Variants in MCC observed in about 807,000 individuals in gnomAD.
MCC encodes colorectal mutant cancer protein.
In MCC, 90 loss-of-function variants were observed where a neutral mutation model predicts 116.2. That is an observed-to-expected ratio of 0.77 (90% CI 0.65 to 0.92). MCC has a LOEUF of 0.92. Among genes scored for constraint, MCC ranks in the 40% least tolerant of loss-of-function variants. MCC has a pLI of 0.00. For missense variants in MCC, 1,516 were observed against 1,312.2 expected (o/e 1.16, Z -2.40); for synonymous variants, 578 against 510.5 (o/e 1.13, Z -1.78).
intron 1 of MCC, among the ~76,000 whole-genome samples, chr5:113,409,658 T>C (rs947928609): frequency 6.6e-6 from 1 of 152,176 alleles, no homozygotes; most frequent in Admixed American, 6.6e-5. Flanking sequence ...GCCTTAAATA[T>C]TTGAATGTTA....
chr5:113,052,644 G>A (rs192933285), intron 15 of MCC, among the ~76,000 whole-genome samples: 111 of 152,250 alleles, frequency 7.3e-4, no homozygotes, highest in African/African-American at 2.5e-3. Context: ...GAGATGGTGC[G>A]ACCAGGGGGT....
chr5:113,084,055 T>C (rs1484360858), intron 10 of MCC, 46 bp downstream of exon 10: 1 of 1,444,460 alleles, frequency 6.9e-7, no homozygotes, highest in Non-Finnish European at 9.7e-7. Context: ...ATTGTCTGTG[T>C]AGCTCTGCCG....
At chr5:113,243,550 G>A (rs936216974) in intron 3 of MCC, among the ~76,000 whole-genome samples, 2 of 152,234 alleles carry the variant, frequency 1.3e-5, no homozygotes, top group African/African-American at 4.8e-5. Flanking sequence ...CACATAATCT[G>A]AGCCATGGGC....
chr5:113,409,347 C>A (rs1769917035), intron 1 of MCC, among the ~76,000 whole-genome samples: 1 of 152,024 alleles, frequency 6.6e-6, no homozygotes, highest in Non-Finnish European at 1.5e-5. Context: ...CTATTAATAA[C>A]ACTGTTAAAT....
At chr5:113,246,579 C>T (rs1049881133) in intron 3 of MCC, among the ~76,000 whole-genome samples, 34 of 152,182 alleles carry the variant, frequency 2.2e-4, no homozygotes, top group African/African-American at 8.2e-4. Flanking sequence ...GCAGCGAATC[C>T]TATTTTGGAT....
chr5:113,043,395 C>T (rs1751855495), intron 17 of MCC, 135 bp downstream of exon 17: 1 of 787,370 alleles, frequency 1.3e-6, no homozygotes. Flanking sequence ...CAGGCCTTCT[C>T]CATTTCTGGC....
chr5:113,276,301 T>C (rs976895544), intron 3 of MCC, among the ~76,000 whole-genome samples: 1 of 152,234 alleles, frequency 6.6e-6, no homozygotes, highest in African/African-American at 2.4e-5. Context: ...TAATTTATTA[T>C]AGCTATGTGT....
At chr5:113,487,514 C>T (rs948113812) in intron 1 of MCC, among the ~76,000 whole-genome samples, 15 of 152,228 alleles carry the variant, frequency 9.9e-5, no homozygotes, top group Admixed American at 7.9e-4. Context: ...GTAGGAAGTG[C>T]GGGGGATCCG....
At chr5:113,473,546 C>CA (rs1205504684) in intron 1 of MCC, among the ~76,000 whole-genome samples, 2 of 151,940 alleles carry the variant, frequency 1.3e-5, no homozygotes, top group Non-Finnish European at 2.9e-5. Flanking sequence ...AAAACAAAAA[C>CA]AAAACAAAAC....
chr5:113,027,447 T>G lies in MCC; in HGVS notation c.2915A>C (p.Lys972Thr). ...LVAAYEKAKK[K>T]HQNKLKKLES... ...TAACTTCTTCAGTTTGTTTTGATGC[T>G]TTTTCTTTGCTTTCTCATAGGCAGC... The change falls in exon 19 of 19, where the codon AAG becomes ACG. Residue 972 changes from lysine (K) to threonine (T), a missense_variant. Transcript: ENST00000408903. 1 of 1,614,194 alleles carries G rather than the reference T, an allele frequency of 6.2e-7. No individual in the cohort carries two copies. Among genetic ancestry groups the G allele is most frequent in the East Asian group, 2.2e-5 (1 of 44,878 alleles).
intron 8 of MCC, among the ~76,000 whole-genome samples, chr5:113,099,852 G>C (rs2150253559): frequency 6.6e-6 from 1 of 152,322 alleles, no homozygotes; most frequent in African/African-American, 2.4e-5. Context: ...ACCACAATAT[G>C]TAATTACACC....
intron 1 of MCC, among the ~76,000 whole-genome samples, chr5:113,437,928 CCT>C (rs1317553021): frequency 6.6e-6 from 1 of 152,098 alleles, no homozygotes; most frequent in Non-Finnish European, 1.5e-5. Flanking sequence ...CAGGTCTGCT[CCT>C]TCAGTGCCAT....
At chr5:113,319,416 C>A (rs1767364970) in intron 3 of MCC, among the ~76,000 whole-genome samples, 1 of 152,142 alleles carries the variant, frequency 6.6e-6, no homozygotes, top group Non-Finnish European at 1.5e-5. Flanking sequence ...GAATTCTATT[C>A]TTGTCGTATG....
intron 7 of MCC, 90 bp from the exon 8 acceptor site, chr5:113,102,035 A>G: frequency 7.8e-7 from 1 of 1,282,956 alleles, no homozygotes; most frequent in Non-Finnish European, 1.1e-6. Context: ...ATAAATGTCC[A>G]TAGAGGAGTG....
At chr5:113,065,112 C>T (rs575039879) in intron 13 of MCC, among the ~76,000 whole-genome samples, 1 of 152,246 alleles carries the variant, frequency 6.6e-6, no homozygotes, top group South Asian at 2.1e-4. Flanking sequence ...GATACTGTAA[C>T]CGTGGACTCA....
chr5:113,111,042 A>C (rs1561360998), intron 6 of MCC, among the ~76,000 whole-genome samples: 2 of 152,030 alleles, frequency 1.3e-5, no homozygotes, highest in East Asian at 1.9e-4. Flanking sequence ...CTCTTTTCTA[A>C]ATGCAATTTT....
chr5:113,112,159 T>G (rs1456404302), intron 6 of MCC, among the ~76,000 whole-genome samples: 1 of 152,184 alleles, frequency 6.6e-6, no homozygotes, highest in Non-Finnish European at 1.5e-5. Flanking sequence ...TTCCTGGGGA[T>G]CGGTACTTGC....
chr5:113,285,558 A>C (rs1225306213), intron 3 of MCC, among the ~76,000 whole-genome samples: 1 of 152,014 alleles, frequency 6.6e-6, no homozygotes, highest in Non-Finnish European at 1.5e-5. Context: ...CCTGAAGCAT[A>C]GCAAGAGTGC....
intron 3 of MCC, among the ~76,000 whole-genome samples, chr5:113,259,818 A>G (rs776696013): frequency 6.6e-6 from 1 of 152,160 alleles, no homozygotes; most frequent in Non-Finnish European, 1.5e-5. Context: ...TGCAACCTCC[A>G]GCATAAATGG....
Sources: gnomAD v4.1 joint callset for allele counts (sites outside exome capture counted in the v4.1 genomes callset) on GRCh38, gnomAD v4.1.1 for gene constraint, MANE v1.5 for transcripts, NCBI Gene and HGNC (gene_info 2026-07-23, HGNC 2026-07-21) for gene names.